The following FAT3 variants were observed in gnomAD, a reference collection of about 807,000 sequenced individuals.
The protein encoded by FAT3 is protocadherin Fat 3.
FAT3 carries 95 observed loss-of-function variants against 310.2 expected under a neutral mutation model. That is an observed-to-expected ratio of 0.31 (90% CI 0.26 to 0.36). The LOEUF (loss-of-function observed/expected upper bound fraction) is 0.36. Ranked by LOEUF, FAT3 falls within the 10% of genes least tolerant of loss-of-function variation. The pLI is 1.00. For synonymous variants in FAT3, 2,314 were observed against 2,192.9 expected (o/e 1.06, Z -1.54); for missense variants, 5,408 against 5,715.6 (o/e 0.95, Z 1.74).
At chr11:92,329,557 T>C in intron 1 of FAT3, among the ~76,000 whole-genome samples, 1 of 151,668 alleles carries the variant, frequency 6.6e-6, no homozygotes, top group Non-Finnish European at 1.5e-5. Flanking sequence ...TCAGGTAGGC[T>C]GTTAATTAAG....
intron 2 of FAT3, among the ~76,000 whole-genome samples, chr11:92,409,066 A>C (rs1459839421): frequency 6.6e-6 from 1 of 152,198 alleles, no homozygotes; most frequent in Admixed American, 6.5e-5. Context: ...TCTGCTGCAA[A>C]TAAGTCTCAT....
chr11:92,635,768 A>G (rs917940446), intron 3 of FAT3, among the ~76,000 whole-genome samples: 1 of 152,204 alleles, frequency 6.6e-6, no homozygotes. Context: ...AATACTTACA[A>G]TCTTTTTGTT....
chr11:92,433,104 C>T (rs75636928), intron 2 of FAT3, among the ~76,000 whole-genome samples: 2,325 of 152,194 alleles, frequency 0.015, 33 homozygotes, highest in Non-Finnish European at 0.026. Flanking sequence ...TCAAGTGTCC[C>T]GGGTGGACTT....
rs115383447 is a variant in FAT3, at chr11:92,729,413, G to T, written c.3669+31968G>T. Among the ~76,000 whole-genome samples, 1,387 of 151,692 alleles carry T rather than the reference G, an allele frequency of 9.1e-3. 22 individuals are homozygous for T. Among genetic ancestry groups the T allele is most frequent in the African/African-American group, 0.031 (1,277 of 41,346 alleles). On this transcript the variant is annotated intron_variant, in intron 4 of 27. Transcript: ENST00000525166. ...TCATCACACTTATGAACTGCAAATG[G>T]ACCCCAGACTGAATTTTTTTTTTTT...
chr11:92,656,338 T>A (rs1485505741), intron 3 of FAT3, among the ~76,000 whole-genome samples: 1 of 152,212 alleles, frequency 6.6e-6, no homozygotes, highest in African/African-American at 2.4e-5. Context: ...ATAGTGCTGA[T>A]CTAGTGACCT....
chr11:92,534,386 C>T (rs142162218), intron 3 of FAT3, among the ~76,000 whole-genome samples: 236 of 152,112 alleles, frequency 1.6e-3, no homozygotes, highest in Non-Finnish European at 2.5e-3. Flanking sequence ...GGACTTAATG[C>T]TAAAAATAAA....
intron 4 of FAT3, among the ~76,000 whole-genome samples, chr11:92,749,288 A>G (rs560749047): frequency 1.3e-5 from 2 of 152,040 alleles, no homozygotes; most frequent in East Asian, 3.9e-4. Context: ...ACATACACAA[A>G]TAGGCACACA....
rs1421030634 is a variant in FAT3, at chr11:92,895,207, A to G, written c.*4094A>G. ...ATGGGAAATGGAGATTTGAAGAGGC[A>G]TTTATTCCTTGTCATCATTTTGTGT... On this transcript the variant is annotated 3_prime_UTR_variant, in exon 28 of 28. Transcript: ENST00000525166. The G allele has an allele frequency of 6.6e-6, 1 of 152,212 alleles. No individual in the cohort carries two copies. Among genetic ancestry groups the G allele is most frequent in the African/African-American group, 2.4e-5 (1 of 41,468 alleles). The allele number at this position is 152,212 out of a possible 1,614,324, so 9.4% of individuals were successfully genotyped here.
chr11:92,636,898 T>A (rs1941786712), intron 3 of FAT3, among the ~76,000 whole-genome samples: 1 of 152,212 alleles, frequency 6.6e-6, no homozygotes, highest in South Asian at 2.1e-4. Flanking sequence ...TGGCTACAAA[T>A]GTCAATATCA....
chr11:92,368,828 G>GTGTATATATATATATATA (rs1565263468), intron 2 of FAT3, among the ~76,000 whole-genome samples: 39 of 108,138 alleles, frequency 3.6e-4, no homozygotes, highest in African/African-American at 2.1e-3. Flanking sequence ...ATGTTTGTGT[G>GTGTATATATATATATATA]TATACATATA....
At chr11:92,273,510 C>A (rs1286151227) in intron 1 of FAT3, among the ~76,000 whole-genome samples, 5 of 152,068 alleles carry the variant, frequency 3.3e-5, no homozygotes, top group African/African-American at 4.8e-5. Context: ...ATGGTGATAT[C>A]GATCTGGTAA....
Position 92,798,139 on chromosome 11 carries a change from A to T in FAT3, c.5126A>T (p.Asp1709Val). Reference sequence around the variant, plus strand: ...CTCATTTATGAAGTCAAAGATGGAGACATTAATGGGATCTTTACCATAAAT... The same window carrying T: ...CTCATTTATGAAGTCAAAGATGGAGTCATTAATGGGATCTTTACCATAAAT... ...STLIYEVKDGDINGIFTINPY... is the reference protein window; with the variant it reads ...STLIYEVKDGVINGIFTINPY... The change falls in exon 10 of 28, where the codon GAC becomes GTC. Residue 1709 changes from aspartate (D) to valine (V), a missense_variant. Physicochemically the swap from Asp to Val is radical, Grantham distance 152 (BLOSUM62 -3). This residue lies in a region of FAT3 where 4,588 missense variants were observed against 4,809.8 expected (regional missense o/e 0.95). Coordinates refer to ENST00000525166, the MANE Select transcript of FAT3 (RefSeq NM_001367949.2). 1 of 1,613,926 alleles carries T rather than the reference A, an allele frequency of 6.2e-7. No individual in the cohort carries two copies. The highest frequency in any genetic ancestry group is 8.5e-7 in the Non-Finnish European group (1 of 1,179,856).
intron 3 of FAT3, among the ~76,000 whole-genome samples, chr11:92,584,550 T>A (rs2135542624): frequency 6.6e-6 from 1 of 152,130 alleles, no homozygotes; most frequent in Admixed American, 6.6e-5. Context: ...GAGCATATGT[T>A]GAGTTAGTGT....
chr11:92,258,803 G>A (rs1591018210), intron 1 of FAT3, among the ~76,000 whole-genome samples: 1 of 152,042 alleles, frequency 6.6e-6, no homozygotes, highest in Non-Finnish European at 1.5e-5. Flanking sequence ...GTAGAGGCTG[G>A]TGAGTTAGGA....
intron 1 of FAT3, among the ~76,000 whole-genome samples, chr11:92,308,174 A>G (rs1415341874): frequency 3.3e-5 from 5 of 152,140 alleles, no homozygotes; most frequent in Non-Finnish European, 7.3e-5. Flanking sequence ...TGCCACATGA[A>G]TGCGTGTGCT....
At position 92,792,772 on chromosome 11, in the gene FAT3, A is replaced by G. The variant is rs933074744; in HGVS notation, c.4617A>G (p.Arg1539=). The G allele has an allele frequency of 2.5e-6, 4 of 1,613,656 alleles. No individual in the cohort carries two copies. The highest frequency in any genetic ancestry group is 3.4e-6 in the Non-Finnish European group (4 of 1,179,660). The change falls in exon 9 of 28, where the codon AGA becomes AGG. Residue 1539 remains arginine, a synonymous_variant. Coordinates refer to ENST00000525166, the MANE Select transcript of FAT3 (RefSeq NM_001367949.2). ...QDKHILNIMV[R]DQEFPYRRNL... ...TTCTTGTATTTTGCCTAAAGGTCAG[A>G]GATCAGGAGTTTCCTTATCGAAGAA...
intron 2 of FAT3, among the ~76,000 whole-genome samples, chr11:92,369,850 CA>C (rs1376345334): frequency 6.6e-6 from 1 of 150,380 alleles, no homozygotes; most frequent in African/African-American, 2.5e-5. Flanking sequence ...TGTCTCAAAA[CA>C]AAAAACAAAC....
In FAT3 at chr11:92,798,932, A is replaced by C. The variant is rs1404032505; in HGVS notation, c.5919A>C (p.Lys1973Asn). Residue 1973 changes from lysine to asparagine, a missense_variant, in exon 10 of 28, where the codon AAA becomes AAC. Lys to Asn is a moderately conservative substitution (Grantham distance 94, BLOSUM62 0). This residue lies in a region of FAT3 where 4,588 missense variants were observed against 4,809.8 expected (regional missense o/e 0.95). Coordinates refer to ENST00000525166, the MANE Select transcript of FAT3 (RefSeq NM_001367949.2). Reference sequence around the variant, plus strand: ...CCTCCATGGTCACCATCATGGTTAAAGAAGCCATGGACAGCGGCCTCCACT... The same window carrying C: ...CCTCCATGGTCACCATCATGGTTAACGAAGCCATGGACAGCGGCCTCCACT... ...YSTSMVTIMV[K>N]EAMDSGLHFT... is the part of the protein sequence containing the mutation. 1.2e-6 allele frequency: 2 copies of C among 1,614,036 alleles called. No homozygotes were observed. The highest frequency in any genetic ancestry group is 1.7e-6 in the Non-Finnish European group (2 of 1,179,880).
At chr11:92,856,857 A>G (rs1948991920) in intron 19 of FAT3, among the ~76,000 whole-genome samples, 1 of 152,018 alleles carries the variant, frequency 6.6e-6, no homozygotes, top group Non-Finnish European at 1.5e-5. Flanking sequence ...CAGAAACCCC[A>G]CTCCAATAAA....
Sources: gnomAD v4.1 joint callset for allele counts (sites outside exome capture counted in the v4.1 genomes callset) on GRCh38, gnomAD v4.1.1 for gene constraint, gnomAD v4.1.1 regional missense constraint, MANE v1.5 for transcripts, NCBI Gene and HGNC (gene_info 2026-07-23, HGNC 2026-07-21) for gene names.